FRYL: variants seen among roughly 807,000 people sequenced by gnomAD.
FRYL encodes the protein FRY like transcription coactivator, also known as protein furry homolog-like.
A neutral mutation model predicts 351.2 loss-of-function variants in FRYL; 150 were observed. That is an observed-to-expected ratio of 0.43 (90% CI 0.37 to 0.49). FRYL has a LOEUF of 0.49. Among genes scored for constraint, FRYL ranks in the 20% least tolerant of loss-of-function variants. The pLI is 0.00. For synonymous variants in FRYL, 1,153 were observed against 1,257.1 expected (o/e 0.92, Z 1.75); for missense variants, 3,036 against 3,619.3 (o/e 0.84, Z 4.13).
chr4:48,677,895 A>AC (rs1763983845), intron 3 of FRYL, among the ~76,000 whole-genome samples: 1 of 152,118 alleles, frequency 6.6e-6, no homozygotes, highest in Non-Finnish European at 1.5e-5. Flanking sequence ...CAAAACTGTA[A>AC]CACCCCTTAG....
intron 1 of FRYL, among the ~76,000 whole-genome samples, chr4:48,763,106 TAAAAAAAAAA>T (rs10683757): frequency 5.5e-5 from 5 of 91,536 alleles, no homozygotes; most frequent in Admixed American, 2.7e-4. Flanking sequence ...TACAGATCTG[TAAAAAAAAAA>T]AAAAAAAAAA....
chr4:48,592,233 C>T (rs912358896), intron 16 of FRYL, among the ~76,000 whole-genome samples: 2 of 151,598 alleles, frequency 1.3e-5, no homozygotes, highest in African/African-American at 4.9e-5. Flanking sequence ...AAAGACGACA[C>T]CTTGAAAGAC....
chr4:48,671,242 GACTA>G (rs1762613358), intron 3 of FRYL, among the ~76,000 whole-genome samples: 1 of 152,124 alleles, frequency 6.6e-6, no homozygotes, highest in Non-Finnish European at 1.5e-5. Context: ...GAAGTGATTA[GACTA>G]ACTATAAAAA....
intron 49 of FRYL, among the ~76,000 whole-genome samples, chr4:48,534,000 G>A (rs1728315083): frequency 1.3e-5 from 2 of 152,174 alleles, no homozygotes; most frequent in Admixed American, 1.3e-4. Context: ...GCTGAGGTGG[G>A]CAGATTACCT....
At chr4:48,609,155 G>T in intron 8 of FRYL, 88 bp from the exon 9 acceptor site, 3 of 765,062 alleles carry the variant, frequency 3.9e-6, no homozygotes, top group Non-Finnish European at 6.7e-6. Flanking sequence ...CCTTATCAGA[G>T]TATTGTATAA....
intron 1 of FRYL, among the ~76,000 whole-genome samples, chr4:48,718,370 C>T (rs961140993): frequency 5.3e-5 from 8 of 151,430 alleles, no homozygotes; most frequent in African/African-American, 9.7e-5. Flanking sequence ...CATTCATACA[C>T]GTATAAATAT....
intron 46 of FRYL, 124 bp from the exon 47 acceptor site, chr4:48,540,192 T>C: frequency 7.0e-6 from 8 of 1,147,152 alleles, no homozygotes; most frequent in African/African-American, 1.6e-5. Context: ...TATTCGATCT[T>C]CTAATTCTTT....
chr4:48,692,104 C>A (rs1490908129), intron 2 of FRYL, among the ~76,000 whole-genome samples: 5 of 152,024 alleles, frequency 3.3e-5, no homozygotes, highest in African/African-American at 1.2e-4. Flanking sequence ...AAATAAGAAA[C>A]AATTATTTTT....
At chr4:48,753,869 C>T (rs1237309957) in intron 1 of FRYL, among the ~76,000 whole-genome samples, 1 of 151,934 alleles carries the variant, frequency 6.6e-6, no homozygotes, top group South Asian at 2.1e-4. Context: ...GTCTCAGTAT[C>T]GTTTGTTGAA....
At chr4:48,621,399 T>C (rs1290798304) in intron 5 of FRYL, among the ~76,000 whole-genome samples, 1 of 152,202 alleles carries the variant, frequency 6.6e-6, no homozygotes, top group Non-Finnish European at 1.5e-5. Context: ...ATTTGGGGCA[T>C]TCTTGAAATG....
At chr4:48,540,248 A>G in intron 46 of FRYL, 105 bp downstream of exon 46, 1 of 1,338,888 alleles carries the variant, frequency 7.5e-7, no homozygotes, top group Non-Finnish European at 1.0e-6. Context: ...TATAAAAACT[A>G]TGACTATTTG....
chr4:48,539,681 G>A (rs762642879), intron 47 of FRYL, among the ~76,000 whole-genome samples: 3 of 152,014 alleles, frequency 2.0e-5, no homozygotes, highest in Non-Finnish European at 2.9e-5. Flanking sequence ...GTAAATAAAC[G>A]AATGAATGAG....
chr4:48,596,073 A>G (rs1744520320), intron 13 of FRYL, 73 bp from the exon 14 acceptor site: 1 of 983,774 alleles, frequency 1.0e-6, no homozygotes, highest in Non-Finnish European at 1.5e-6. Flanking sequence ...ATTCTCTGTC[A>G]ACAACTAAAA....
intron 3 of FRYL, among the ~76,000 whole-genome samples, chr4:48,678,384 T>C (rs1764076567): frequency 6.6e-6 from 1 of 151,860 alleles, no homozygotes; most frequent in Non-Finnish European, 1.5e-5. Flanking sequence ...GGTGTGTGCC[T>C]GTAATCTCAG....
intron 16 of FRYL, among the ~76,000 whole-genome samples, 170 bp downstream of exon 16, chr4:48,593,760 C>T (rs1206082184): frequency 6.6e-6 from 1 of 152,028 alleles, no homozygotes; most frequent in Admixed American, 6.6e-5. Context: ...CAAACAAACA[C>T]TATTATTAAA....
intron 3 of FRYL, among the ~76,000 whole-genome samples, chr4:48,652,432 T>G (rs894038541): frequency 6.6e-6 from 1 of 152,226 alleles, no homozygotes; most frequent in Non-Finnish European, 1.5e-5. Flanking sequence ...GTCTCCCTTT[T>G]AACTAGTGAA....
intron 1 of FRYL, among the ~76,000 whole-genome samples, chr4:48,714,802 G>T (rs1273646699): frequency 1.3e-5 from 2 of 149,398 alleles, no homozygotes; most frequent in Admixed American, 6.7e-5. Flanking sequence ...TACCAAAGCC[G>T]GGCAGAGACA....
intron 1 of FRYL, among the ~76,000 whole-genome samples, chr4:48,729,733 T>C (rs1283593129): frequency 1.3e-5 from 2 of 152,098 alleles, no homozygotes; most frequent in East Asian, 3.9e-4. Context: ...ACCCCATCCG[T>C]AGGTCACCAA....
chr4:48,708,915 T>TTTGTTTTG lies in FRYL; in HGVS notation c.-204+1603_-204+1604insCAAAACAA, dbSNP rs1553866671. 2.9e-5 allele frequency among the ~76,000 whole-genome samples: 4 copies of TTTGTTTTG among 138,920 alleles called. No individual in the cohort carries two copies. In the East Asian group the frequency reaches 8.5e-4, roughly 30 times the overall value. 91.1% of individuals were successfully genotyped at this position (138,920 alleles called of 152,430 possible). A position where few individuals can be genotyped will look rare whatever the true frequency, so the allele number is the denominator to read the frequency against. On this transcript the variant is annotated intron_variant, in intron 2 of 63. Transcript: ENST00000358350. ...AGCTTCAAAAGGTATCGTGTGTTTTTTTTTTTGTTTTTTGTTTTTTTTTTT... is the reference window on the plus strand; with the variant it reads ...AGCTTCAAAAGGTATCGTGTGTTTTTTTGTTTTGTTTTTTGTTTTTTGTTTTTTTTTTT...
Sources: gnomAD v4.1 joint callset for allele counts (sites outside exome capture counted in the v4.1 genomes callset) on GRCh38, gnomAD v4.1.1 for gene constraint, MANE v1.5 for transcripts, NCBI Gene and HGNC (gene_info 2026-07-23, HGNC 2026-07-21) for gene names.